PTPRM: variants seen among roughly 807,000 people sequenced by gnomAD.
The protein encoded by PTPRM is protein tyrosine phosphatase receptor type M.
PTPRM carries 47 observed loss-of-function variants against 186.7 expected under a neutral mutation model. That is an observed-to-expected ratio of 0.25 (90% CI 0.20 to 0.32). PTPRM has a LOEUF of 0.32. PTPRM is among the 10% of genes least tolerant of loss of function. PTPRM has a pLI of 1.00. For missense variants in PTPRM, 1,494 were observed against 1,865.0 expected (o/e 0.80, Z 3.66); for synonymous variants, 668 against 674.9 (o/e 0.99, Z 0.16).
chr18:7,774,068 C>A, intron 1 of PTPRM, 81 bp from the exon 2 acceptor site: 1 of 1,432,506 alleles, frequency 7.0e-7, no homozygotes, highest in Non-Finnish European at 9.6e-7. Context: ...GGCATCAAGT[C>A]TAAGGCTTCC....
intron 23 of PTPRM, among the ~76,000 whole-genome samples, chr18:8,343,996 C>T (rs1339782018): frequency 6.6e-6 from 1 of 152,184 alleles, no homozygotes; most frequent in Non-Finnish European, 1.5e-5. Flanking sequence ...AAAGCATCAT[C>T]TTTCTGAAGG....
intron 7 of PTPRM, among the ~76,000 whole-genome samples, chr18:8,030,005 C>A (rs564905595): frequency 6.6e-6 from 1 of 152,122 alleles, no homozygotes; most frequent in African/African-American, 2.4e-5. Flanking sequence ...TTTTTCCCTG[C>A]GAAGTAAACA....
chr18:7,939,676 A>C (rs78112280), intron 5 of PTPRM, among the ~76,000 whole-genome samples: 3,500 of 152,262 alleles, frequency 0.023, 49 homozygotes, highest in African/African-American at 0.045. Flanking sequence ...TGATTTATTT[A>C]ACAACCCAGG....
At chr18:8,162,845 TTTC>T (rs2093256465) in intron 14 of PTPRM, among the ~76,000 whole-genome samples, 1 of 152,094 alleles carries the variant, frequency 6.6e-6, no homozygotes, top group African/African-American at 2.4e-5. Context: ...GGCCCTGAAG[TTTC>T]TAAACTGCTA....
Position 7,894,605 on chromosome 18 carries a change from A to T in PTPRM, c.468+6228A>T, listed in dbSNP as rs998834595. 3.9e-3 allele frequency among the ~76,000 whole-genome samples: 585 copies of T among 151,038 alleles called. 4 individuals are homozygous for T. The highest frequency in any genetic ancestry group is 0.012 in the African/African-American group (506 of 41,164). ...CGTCTCAGGAAAAATATATATATAT[A>T]TATATTTTTTAATATTTTTTTTCCA... On this transcript the variant is annotated intron_variant, in intron 3 of 32. Transcript: ENST00000580170.
chr18:8,057,310 A>C (rs928617326), intron 7 of PTPRM, among the ~76,000 whole-genome samples: 1 of 152,006 alleles, frequency 6.6e-6, no homozygotes, highest in African/African-American at 2.4e-5. Flanking sequence ...TGTACTTTTC[A>C]ATGTGTTTTA....
At chr18:7,972,939 A>C (rs1445205029) in intron 7 of PTPRM, among the ~76,000 whole-genome samples, 1 of 152,170 alleles carries the variant, frequency 6.6e-6, no homozygotes, top group Non-Finnish European at 1.5e-5. Context: ...TCTAACAAAT[A>C]GGATTATATT....
chr18:7,710,971 G>T (rs1211270269), intron 1 of PTPRM, among the ~76,000 whole-genome samples: 2 of 152,106 alleles, frequency 1.3e-5, no homozygotes, highest in African/African-American at 4.8e-5. Flanking sequence ...TGACCATACT[G>T]CCAAAAGCAA....
intron 14 of PTPRM, among the ~76,000 whole-genome samples, chr18:8,147,408 C>A (rs2092910195): frequency 6.6e-6 from 1 of 152,140 alleles, no homozygotes; most frequent in Non-Finnish European, 1.5e-5. Context: ...CTCTCTATAG[C>A]AATTGCGAAT....
intron 1 of PTPRM, among the ~76,000 whole-genome samples, chr18:7,605,458 A>G (rs2037509659): frequency 6.7e-6 from 1 of 149,922 alleles, no homozygotes; most frequent in Non-Finnish European, 1.5e-5. Flanking sequence ...ACTTTGTAGC[A>G]AAGAGTTTTT....
At chr18:8,115,082 C>A (rs2091904210) in intron 13 of PTPRM, among the ~76,000 whole-genome samples, 1 of 152,072 alleles carries the variant, frequency 6.6e-6, no homozygotes, top group Non-Finnish European at 1.5e-5. Context: ...TCAATAGTTA[C>A]CTTTTTCAGA....
At chr18:7,829,309 T>C (rs2045644583) in intron 2 of PTPRM, among the ~76,000 whole-genome samples, 1 of 152,160 alleles carries the variant, frequency 6.6e-6, no homozygotes, top group South Asian at 2.1e-4. Context: ...TTGCTTTCCT[T>C]AGAATTCAAG....
In PTPRM at chr18:8,303,306, C is replaced by T. The variant is rs1489246562; in HGVS notation, c.2842+6851C>T. On this transcript the variant is annotated intron_variant, in intron 20 of 32. Transcript: ENST00000580170. ...GGTGGGTTACCATGCCCTCCTACTC[C>T]ATTTCCTAACAACGAGGTGTGACTA... 4.6e-5 allele frequency among the ~76,000 whole-genome samples: 7 copies of T among 152,144 alleles called. No individual in the cohort carries two copies. In the East Asian group the frequency reaches 1.4e-3, roughly 29 times the overall value.
intron 1 of PTPRM, among the ~76,000 whole-genome samples, chr18:7,604,772 A>G (rs191712482): frequency 5.1e-4 from 77 of 152,352 alleles, no homozygotes; most frequent in Admixed American, 1.1e-3. Context: ...ACCTGGTGCC[A>G]TACTTCCTCA....
At chr18:8,252,423 C>T in intron 17 of PTPRM, 65 bp from the exon 18 acceptor site, 1 of 1,281,862 alleles carries the variant, frequency 7.8e-7, no homozygotes, top group East Asian at 2.3e-5. Context: ...GCACGCAGTA[C>T]TATTGCTTAT....
chr18:7,716,345 A>G (rs139548939), intron 1 of PTPRM, among the ~76,000 whole-genome samples: 11 of 152,284 alleles, frequency 7.2e-5, no homozygotes, highest in African/African-American at 2.6e-4. Flanking sequence ...CTCAAGATGG[A>G]TTAAAGACTT....
Position 7,988,222 on chromosome 18 carries a change from C to CA in PTPRM, c.1132+32817dup, listed in dbSNP as rs200090021. Among the ~76,000 whole-genome samples the CA allele has an allele frequency of 1.3e-3, 192 of 147,994 alleles. 2 individuals carry two copies. Among genetic ancestry groups the CA allele is most frequent in the African/African-American group, 4.3e-3 (172 of 40,310 alleles). ...TCAAATTCTGAGCTAGACCTTATCT[C>CA]AAAAAAAAACCAAACAAACAAAAAA... On this transcript the variant is annotated intron_variant, in intron 7 of 32. Transcript: ENST00000580170.
intron 11 of PTPRM, among the ~76,000 whole-genome samples, chr18:8,094,623 A>G (rs1600529449): frequency 6.6e-6 from 1 of 152,156 alleles, no homozygotes; most frequent in Admixed American, 6.5e-5. Context: ...AAATCAATAT[A>G]TGGTTTCCAG....
chr18:7,714,256 C>G (rs2040275375), intron 1 of PTPRM, among the ~76,000 whole-genome samples: 1 of 152,152 alleles, frequency 6.6e-6, no homozygotes, highest in South Asian at 2.1e-4. Flanking sequence ...ACAATCTCCT[C>G]CTGAGTGACT....
Sources: gnomAD v4.1 joint callset for allele counts (sites outside exome capture counted in the v4.1 genomes callset) on GRCh38, gnomAD v4.1.1 for gene constraint, MANE v1.5 for transcripts, NCBI Gene and HGNC (gene_info 2026-07-23, HGNC 2026-07-21) for gene names.